PCDH9: variants seen among roughly 807,000 people sequenced by gnomAD.
PCDH9 encodes protocadherin-9.
A neutral mutation model predicts 70.6 loss-of-function variants in PCDH9; 24 were observed. The ratio of observed to expected loss-of-function variants is 0.34; its 90% CI spans 0.25 to 0.48. PCDH9 has a LOEUF of 0.48. Among genes scored for constraint, PCDH9 ranks in the 20% least tolerant of loss-of-function variants. The pLI is 0.99. For synonymous variants in PCDH9, 562 were observed against 558.5 expected (o/e 1.01, Z -0.09); for missense variants, 1,281 against 1,503.6 (o/e 0.85, Z 2.45).
intron 4 of PCDH9, among the ~76,000 whole-genome samples, chr13:66,489,467 C>T (rs1013920123): frequency 6.6e-6 from 1 of 152,130 alleles, no homozygotes; most frequent in Non-Finnish European, 1.5e-5. Context: ...TGCACCACCA[C>T]ACCCAGCAAA....
intron 4 of PCDH9, among the ~76,000 whole-genome samples, chr13:66,372,548 T>A (rs1956674277): frequency 6.6e-6 from 1 of 151,450 alleles, no homozygotes; most frequent in African/African-American, 2.4e-5. Context: ...ATAACAAGTC[T>A]TGATCGCATA....
intron 3 of PCDH9, among the ~76,000 whole-genome samples, chr13:66,705,128 C>T (rs761572646): frequency 8.5e-5 from 13 of 152,114 alleles, no homozygotes; most frequent in Non-Finnish European, 1.8e-4. Context: ...ATGGTTTATA[C>T]CATAGAGTGT....
intron 3 of PCDH9, among the ~76,000 whole-genome samples, chr13:66,847,896 A>G (rs2081240544): frequency 6.6e-6 from 1 of 152,152 alleles, no homozygotes. Context: ...TATTTCCAAA[A>G]TTTTCCATAC....
chr13:66,751,341 T>C (rs549225086), intron 3 of PCDH9, among the ~76,000 whole-genome samples: 2 of 152,118 alleles, frequency 1.3e-5, no homozygotes, highest in Non-Finnish European at 2.9e-5. Flanking sequence ...GAGCAAGGGG[T>C]CTATAATGTA....
chr13:66,568,392 T>C (rs148314861), intron 4 of PCDH9, among the ~76,000 whole-genome samples: 1 of 148,238 alleles, frequency 6.7e-6, no homozygotes, highest in East Asian at 2.0e-4. Context: ...AATTAAGACA[T>C]GGAAATATTT....
chr13:66,675,508 A>G (rs1000516397), intron 3 of PCDH9, among the ~76,000 whole-genome samples: 1 of 152,120 alleles, frequency 6.6e-6, no homozygotes, highest in African/African-American at 2.4e-5. Context: ...GTAGTCAAAC[A>G]TATTTCTTTT....
chr13:67,140,510 A>G (rs1001727052), intron 2 of PCDH9, among the ~76,000 whole-genome samples: 5 of 152,182 alleles, frequency 3.3e-5, no homozygotes, highest in African/African-American at 1.2e-4. Context: ...TCCTCTTTTT[A>G]GAGGTATGGA....
At chr13:66,960,243 C>T (rs189849264) in intron 2 of PCDH9, among the ~76,000 whole-genome samples, 10 of 152,228 alleles carry the variant, frequency 6.6e-5, no homozygotes, top group Admixed American at 2.6e-4. Flanking sequence ...AAACATCTTA[C>T]AAAAGCAGTT....
At chr13:66,688,156 T>C (rs921741844) in intron 3 of PCDH9, among the ~76,000 whole-genome samples, 4 of 152,174 alleles carry the variant, frequency 2.6e-5, no homozygotes, top group African/African-American at 9.6e-5. Context: ...TCATTCTGTC[T>C]TCTTTTACAA....
At chr13:67,179,624 T>C (rs2088562773) in intron 2 of PCDH9, among the ~76,000 whole-genome samples, 1 of 152,108 alleles carries the variant, frequency 6.6e-6, no homozygotes, top group South Asian at 2.1e-4. Context: ...TTAAATCTAG[T>C]TTTTATGCCT....
intron 3 of PCDH9, among the ~76,000 whole-genome samples, chr13:66,815,881 T>C (rs1223984728): frequency 6.6e-6 from 1 of 152,138 alleles, no homozygotes; most frequent in Non-Finnish European, 1.5e-5. Context: ...TTTAGCTATA[T>C]AACAAACCTG....
intron 4 of PCDH9, among the ~76,000 whole-genome samples, chr13:66,502,384 G>C (rs1354009960): frequency 6.6e-6 from 1 of 151,914 alleles, no homozygotes; most frequent in African/African-American, 2.4e-5. Context: ...CCATATAATA[G>C]ACTACTTATA....
intron 4 of PCDH9, among the ~76,000 whole-genome samples, chr13:66,377,526 T>C (rs188213218): frequency 2.0e-4 from 31 of 152,328 alleles, no homozygotes; most frequent in Non-Finnish European, 3.7e-4. Flanking sequence ...TGAATTTACA[T>C]GCAAAAAGCA....
At chr13:66,349,631 T>C (rs1253694893) in intron 4 of PCDH9, among the ~76,000 whole-genome samples, 2 of 152,092 alleles carry the variant, frequency 1.3e-5, no homozygotes, top group Non-Finnish European at 2.9e-5. Context: ...CTAGTGGCTT[T>C]TGGGGCAATA....
intron 2 of PCDH9, among the ~76,000 whole-genome samples, chr13:66,993,504 G>A (rs1292010551): frequency 6.6e-6 from 1 of 152,130 alleles, no homozygotes; most frequent in African/African-American, 2.4e-5. Flanking sequence ...GGAATGGGGA[G>A]GCTGAATTAG....
chr13:66,500,291 A>C (rs1190485528), intron 4 of PCDH9, among the ~76,000 whole-genome samples: 1 of 152,212 alleles, frequency 6.6e-6, no homozygotes, highest in Non-Finnish European at 1.5e-5. Context: ...TATTTAAAGA[A>C]AATAAAATTA....
intron 2 of PCDH9, among the ~76,000 whole-genome samples, chr13:67,055,170 T>C (rs2085394095): frequency 6.6e-6 from 1 of 152,204 alleles, no homozygotes; most frequent in Admixed American, 6.5e-5. Flanking sequence ...ATATTACACA[T>C]ACTAAAAAAT....
intron 2 of PCDH9, among the ~76,000 whole-genome samples, chr13:67,074,885 T>C (rs1476654942): frequency 6.6e-6 from 1 of 152,110 alleles, no homozygotes; most frequent in Non-Finnish European, 1.5e-5. Context: ...TATATTAGTT[T>C]ATTCTTACAC....
At chr13:67,169,020 A>G (rs2088203905) in intron 2 of PCDH9, among the ~76,000 whole-genome samples, 1 of 152,114 alleles carries the variant, frequency 6.6e-6, no homozygotes, top group East Asian at 1.9e-4. Flanking sequence ...TGCTTTATGT[A>G]CTCTTCTCAC....
Sources: allele counts gnomAD v4.1 joint callset (sites outside exome capture counted in the v4.1 genomes callset), GRCh38; gene constraint gnomAD v4.1.1; transcripts MANE v1.5; gene names NCBI Gene and HGNC (gene_info 2026-07-23, HGNC 2026-07-21).